The following MYT1 variants were observed in gnomAD, a reference collection of about 807,000 sequenced individuals.
The protein encoded by MYT1 is myelin transcription factor I.
In MYT1, 23 loss-of-function variants were observed where a neutral mutation model predicts 123.0. The ratio of observed to expected loss-of-function variants is 0.19; its 90% CI spans 0.13 to 0.26. The LOEUF is 0.26. Ranked by LOEUF, MYT1 falls within the 10% of genes least tolerant of loss-of-function variation. MYT1 has a pLI of 1.00. For missense variants in MYT1, 1,125 were observed against 1,472.5 expected (o/e 0.76, Z 3.86); for synonymous variants, 518 against 575.3 (o/e 0.90, Z 1.43).
In MYT1 at chr20:64,196,011, CAG is replaced by C. The variant is rs1339018997; in HGVS notation, c.1-2848_1-2847del. Among the ~76,000 whole-genome samples, 1 of 152,158 alleles carries C rather than the reference CAG, an allele frequency of 6.6e-6. No homozygotes were observed. The highest frequency in any genetic ancestry group is 1.5e-5 in the Non-Finnish European group (1 of 68,038). Reference sequence around the variant, plus strand: ...AGAATGAAGCTGGCATTTGGAGAAACAGAGCAGACGTTCTTGAGAAAGGTTGC... The same window carrying C: ...AGAATGAAGCTGGCATTTGGAGAAACAGCAGACGTTCTTGAGAAAGGTTGC... On this transcript the variant is annotated intron_variant, in intron 2 of 22. Transcript: ENST00000328439. This position sits in a 1 kb window ranked among gnomAD's most constrained non-coding sequence, Gnocchi z 4.3.
At chr20:64,227,393 C>A in intron 16 of MYT1, 22 bp from the exon 17 acceptor site, 1 of 1,611,600 alleles carries the variant, frequency 6.2e-7, no homozygotes, top group Non-Finnish European at 8.5e-7. Context: ...GGCTCCCGTT[C>A]CAGTTCTGCT....
In MYT1 at chr20:64,185,991, G is replaced by A. The variant is rs887995410; in HGVS notation, c.-98-4072G>A. On this transcript the variant is annotated intron_variant, in intron 1 of 22. Coordinates refer to ENST00000328439, the MANE Select transcript of MYT1 (RefSeq NM_004535.3). The surrounding 1 kb of genome is among the most constrained non-coding windows in gnomAD (Gnocchi z 4.5). ...AGTGCTGCTGAGTTGGAAAAAGAGGGCTTCATTAGGAGAAGACAGACGGGG... is the reference window on the plus strand; with the variant it reads ...AGTGCTGCTGAGTTGGAAAAAGAGGACTTCATTAGGAGAAGACAGACGGGG... Among the ~76,000 whole-genome samples, 2 of 152,200 alleles carry A rather than the reference G, an allele frequency of 1.3e-5. No individual in the cohort carries two copies. Among genetic ancestry groups the A allele is most frequent in the African/African-American group, 4.8e-5 (2 of 41,444 alleles).
At chr20:64,194,783 G>T (rs1408947362) in intron 2 of MYT1, among the ~76,000 whole-genome samples, 1 of 152,258 alleles carries the variant, frequency 6.6e-6, no homozygotes, top group South Asian at 2.1e-4. Flanking sequence ...CACAAAGCCC[G>T]TTGGGCTTCA....
intron 12 of MYT1, among the ~76,000 whole-genome samples, 186 bp from the exon 13 acceptor site, chr20:64,219,527 C>T (rs1240003726): frequency 1.3e-5 from 2 of 152,188 alleles, no homozygotes; most frequent in East Asian, 3.8e-4. Context: ...ATTGTAGGGC[C>T]CCCTTCATGG....
chr20:64,225,202 G>A (rs973023032), intron 16 of MYT1, among the ~76,000 whole-genome samples: 1 of 152,184 alleles, frequency 6.6e-6, no homozygotes, highest in Admixed American at 6.5e-5. Context: ...CCCCCGCCAC[G>A]TGTCCTGGTG....
intron 10 of MYT1, among the ~76,000 whole-genome samples, chr20:64,216,364 G>A (rs78021927): frequency 0.089 from 13,510 of 152,216 alleles, 756 homozygotes; most frequent in African/African-American, 0.15. Context: ...CAGTTTCTTC[G>A]TGCCATCTTT....
chr20:64,187,677 T>C (rs1445533808), intron 1 of MYT1, among the ~76,000 whole-genome samples: 1 of 152,266 alleles, frequency 6.6e-6, no homozygotes, highest in Non-Finnish European at 1.5e-5. Flanking sequence ...CAGGCCCCAG[T>C]AGGGGACCAA....
intron 22 of MYT1, 140 bp downstream of exon 22, chr20:64,240,043 CCCCG>C: frequency 7.6e-7 from 1 of 1,320,408 alleles, no homozygotes; most frequent in Non-Finnish European, 1.0e-6. Flanking sequence ...ATTCTCTCCA[CCCCG>C]AATGGCCCGG....
At chr20:64,211,155 T>G in intron 7 of MYT1, 51 bp from the exon 8 acceptor site, 1 of 1,581,084 alleles carries the variant, frequency 6.3e-7, no homozygotes, top group Non-Finnish European at 8.6e-7. Flanking sequence ...GCCCCCTCTC[T>G]GCTCACCACC....
At chr20:64,225,318 A>C (rs1408444043) in intron 16 of MYT1, among the ~76,000 whole-genome samples, 1 of 152,218 alleles carries the variant, frequency 6.6e-6, no homozygotes, top group Non-Finnish European at 1.5e-5. Context: ...CCTTGGGACA[A>C]ACGAGGTTCC....
chr20:64,217,391 A>G (rs1983870476), intron 11 of MYT1, 110 bp downstream of exon 11: 1 of 1,186,876 alleles, frequency 8.4e-7, no homozygotes, highest in Non-Finnish European at 1.2e-6. Context: ...AGGGAGGGAA[A>G]CTCTACCCTC....
rs777304666 is a variant in MYT1 at position 64,208,010 on chromosome 20, G to A, written c.814G>A (p.Glu272Lys). 2.5e-6 allele frequency: 4 copies of A among 1,600,010 alleles called. No homozygotes were observed. The highest frequency in any genetic ancestry group is 3.4e-6 in the Non-Finnish European group (4 of 1,173,932). The change falls in exon 7 of 23, where the codon GAG becomes AAG. Residue 272 changes from glutamate (E) to lysine (K), a missense_variant. Glu to Lys is a moderately conservative substitution (Grantham distance 56). Transcript: ENST00000328439. The surrounding 1 kb of genome is among the most constrained non-coding windows in gnomAD (Gnocchi z 5.4). ...GGAGGAGGAGGAGGAAGAGGAGGAG[G>A]AGGAGGATGAAGAAGAGGAAGAGGA... ...EEEEEEEEEE[E>K]EDEEEEEEEE...
chr20:64,179,989 TAC>T (rs972756426), intron 1 of MYT1, among the ~76,000 whole-genome samples: 1 of 147,790 alleles, frequency 6.8e-6, no homozygotes, highest in African/African-American at 2.5e-5. Flanking sequence ...TACACACAGT[TAC>T]ACACATACGC....
At chr20:64,236,449 G>A (rs983900323) in intron 19 of MYT1, 106 bp from the exon 20 acceptor site, 1 of 826,156 alleles carries the variant, frequency 1.2e-6, no homozygotes, top group African/African-American at 1.7e-5. Flanking sequence ...GGGTGACCCG[G>A]GGCTGGCCGT....
rs1028173130 is a variant in MYT1, at chr20:64,189,388, G to C, written c.-98-675G>C. ...TTTCTTTGTCATGTCCAGCTGATGCGTTCAGCCTCTGCTCAGACATGGGAA... is the reference window on the plus strand; with the variant it reads ...TTTCTTTGTCATGTCCAGCTGATGCCTTCAGCCTCTGCTCAGACATGGGAA... On this transcript the variant is annotated intron_variant, in intron 1 of 22. Coordinates refer to ENST00000328439, the MANE Select transcript of MYT1 (RefSeq NM_004535.3). This position sits in a 1 kb window ranked among gnomAD's most constrained non-coding sequence, Gnocchi z 5.5. Among the ~76,000 whole-genome samples, 1 of 152,192 alleles carries C rather than the reference G, an allele frequency of 6.6e-6. No individual in the cohort carries two copies. The highest frequency in any genetic ancestry group is 2.4e-5 in the African/African-American group (1 of 41,438).
At chr20:64,223,958 G>T (rs1984089931) in intron 16 of MYT1, among the ~76,000 whole-genome samples, 1 of 152,166 alleles carries the variant, frequency 6.6e-6, no homozygotes, top group South Asian at 2.1e-4. Flanking sequence ...CACATGGGCA[G>T]GGCAGGCCCT....
At chr20:64,206,665 G>A (rs1983495758) in intron 6 of MYT1, among the ~76,000 whole-genome samples, 1 of 152,220 alleles carries the variant, frequency 6.6e-6, no homozygotes, top group Non-Finnish European at 1.5e-5. Flanking sequence ...GGGCTCTGGA[G>A]TGAGTGCGCT....
chr20:64,195,345 T>C (rs1364625386), intron 2 of MYT1, among the ~76,000 whole-genome samples: 1 of 146,206 alleles, frequency 6.8e-6, no homozygotes, highest in Non-Finnish European at 1.5e-5. Flanking sequence ...TACCATGTCA[T>C]GGTGAGAACT....
rs1396784835 is a variant in MYT1, at chr20:64,196,084, C to A, written c.1-2778C>A. Among the ~76,000 whole-genome samples, 1 of 152,222 alleles carries A rather than the reference C, an allele frequency of 6.6e-6. No homozygotes were observed. Among genetic ancestry groups the A allele is most frequent in the Non-Finnish European group, 1.5e-5 (1 of 68,044 alleles). ...GTGATGGGGTCGTTCTGCCTTTTCACTCTCAAGGGGAGAGGTCACCGGGCT... is the reference window on the plus strand; with the variant it reads ...GTGATGGGGTCGTTCTGCCTTTTCAATCTCAAGGGGAGAGGTCACCGGGCT... On this transcript the variant is annotated intron_variant, in intron 2 of 22. Transcript: ENST00000328439. The surrounding 1 kb of genome is among the most constrained non-coding windows in gnomAD (Gnocchi z 4.3).
Sources: gnomAD v4.1 joint callset for allele counts (sites outside exome capture counted in the v4.1 genomes callset) on GRCh38, gnomAD v4.1.1 for gene constraint, Gnocchi (gnomAD v3.1) non-coding constraint, MANE v1.5 for transcripts, NCBI Gene and HGNC (gene_info 2026-07-23, HGNC 2026-07-21) for gene names.